GOLGA1: variants seen among roughly 807,000 people sequenced by gnomAD.
The protein encoded by GOLGA1 is golgin subfamily A member 1.
Under a neutral mutation model 119.7 loss-of-function variants are expected in GOLGA1, and 63 were observed. The observed-to-expected ratio is 0.53, with a 90% CI of 0.43 to 0.65. The LOEUF (loss-of-function observed/expected upper bound fraction) is 0.65. GOLGA1 is among the 30% of genes least tolerant of loss of function. The probability of loss-of-function intolerance (pLI) is 0.00; values close to 1 mark genes in which losing one functional copy is unlikely to be tolerated. For missense variants in GOLGA1, 798 were observed against 912.8 expected, an observed-to-expected ratio of 0.87 and a Z score of 1.62; for synonymous variants, 318 against 333.4, an observed-to-expected ratio of 0.95 and a Z score of 0.50.
At chr9:124,890,000 G>C (rs10986476) in intron 16 of GOLGA1, among the ~76,000 whole-genome samples, 3,158 of 152,264 alleles carry the variant, frequency 0.021, 120 homozygotes, top group East Asian at 0.15. Context: ...TCTGGGGTCA[G>C]ATGCAAAGTC....
intron 10 of GOLGA1, among the ~76,000 whole-genome samples, chr9:124,918,063 G>C (rs944400168): frequency 6.6e-6 from 1 of 152,072 alleles, no homozygotes; most frequent in Non-Finnish European, 1.5e-5. Flanking sequence ...TGTTGGTCAA[G>C]CTGGTCTCGA....
intron 15 of GOLGA1, among the ~76,000 whole-genome samples, chr9:124,894,629 G>A (rs560366199): frequency 1.3e-5 from 2 of 152,078 alleles, no homozygotes; most frequent in East Asian, 3.9e-4. Flanking sequence ...AGCTCAACAT[G>A]CCCAAAATGG....
chr9:124,935,187 T>C (rs1278834986), intron 3 of GOLGA1, among the ~76,000 whole-genome samples: 1 of 152,212 alleles, frequency 6.6e-6, no homozygotes, highest in Non-Finnish European at 1.5e-5. Context: ...AGAAGTGTTT[T>C]GGAGTTTGGA....
upstream of GOLGA1, chr9:124,943,335 A>G (rs541208108): frequency 6.6e-6 from 1 of 152,328 alleles, no homozygotes; most frequent in Admixed American, 6.5e-5. Context: ...ATTTTTTTCT[A>G]AAGTATTAAC....
intron 11 of GOLGA1, 108 bp downstream of exon 11, chr9:124,911,793 A>G (rs1830345649): frequency 2.1e-6 from 2 of 936,794 alleles, no homozygotes; most frequent in South Asian, 3.1e-5. Flanking sequence ...TTCTTTTGTT[A>G]CCATGCTGTT....
At chr9:124,933,473 T>C (rs1009987738) in intron 3 of GOLGA1, among the ~76,000 whole-genome samples, 7 of 152,108 alleles carry the variant, frequency 4.6e-5, no homozygotes, top group Non-Finnish European at 2.9e-5. Flanking sequence ...CAGGCTGGAG[T>C]GCAGTGGTAC....
intron 10 of GOLGA1, among the ~76,000 whole-genome samples, chr9:124,914,937 C>T (rs1359397802): frequency 6.6e-6 from 1 of 152,192 alleles, no homozygotes; most frequent in Non-Finnish European, 1.5e-5. Flanking sequence ...TCCACTTATG[C>T]CTCTTGTGCA....
rs1162925478 is a variant in GOLGA1 at position 124,926,752 on chromosome 9, A to G, written c.400-11T>C. Reference sequence around the variant, plus strand: ...CTTTTCTGACCATTCCTAAAACAAAACAATAAAAAAGTATGGTTTCCAGTG... The same window carrying G: ...CTTTTCTGACCATTCCTAAAACAAAGCAATAAAAAAGTATGGTTTCCAGTG... On this transcript the variant is annotated splice_polypyrimidine_tract_variant and intron_variant, in intron 6 of 22. Transcript: ENST00000373555. The G allele has an allele frequency of 1.1e-5, 16 of 1,521,482 alleles. No individual in the cohort carries two copies. Among genetic ancestry groups the G allele is most frequent in the African/African-American group, 1.4e-5 (1 of 71,784 alleles). 94.2% of individuals were successfully genotyped at this position (1,521,482 alleles called of 1,614,324 possible).
chr9:124,910,814 C>T (rs147497006), intron 11 of GOLGA1, among the ~76,000 whole-genome samples: 1 of 152,242 alleles, frequency 6.6e-6, no homozygotes, highest in Non-Finnish European at 1.5e-5. Flanking sequence ...ATCCAGGTTG[C>T]ACACTCCTTA....
intron 10 of GOLGA1, among the ~76,000 whole-genome samples, chr9:124,912,669 A>C (rs192888908): frequency 1.1e-4 from 16 of 152,192 alleles, no homozygotes; most frequent in African/African-American, 3.6e-4. Context: ...CAGCCTCCCG[A>C]GTAGCTGGGA....
chr9:124,925,528 C>A (rs1830657091), intron 7 of GOLGA1, among the ~76,000 whole-genome samples: 1 of 151,908 alleles, frequency 6.6e-6, no homozygotes, highest in African/African-American at 2.4e-5. Flanking sequence ...CCAGCCTGGG[C>A]AACACAGTGA....
chr9:124,938,287 T>C (rs1830919971), intron 3 of GOLGA1, among the ~76,000 whole-genome samples: 1 of 151,660 alleles, frequency 6.6e-6, no homozygotes, highest in South Asian at 2.1e-4. Context: ...TTTTCAGAAA[T>C]GAAATGCAAA....
At chr9:124,921,475 C>A (rs1380551711) in intron 9 of GOLGA1, among the ~76,000 whole-genome samples, 1 of 152,168 alleles carries the variant, frequency 6.6e-6, no homozygotes, top group Non-Finnish European at 1.5e-5. Flanking sequence ...TCTATTAATA[C>A]TTTACAAACT....
Position 124,881,002 on chromosome 9 carries a change from T to G in GOLGA1, c.2223+169A>C, listed in dbSNP as rs1446788585. ...CACAGACATTTGGGCACAAAGGATGTCATCGCTAAAAAGTGCTTGGATCAA... is the reference window on the plus strand; with the variant it reads ...CACAGACATTTGGGCACAAAGGATGGCATCGCTAAAAAGTGCTTGGATCAA... On this transcript the variant is annotated intron_variant, in intron 22 of 22. Coordinates refer to ENST00000373555, the MANE Select transcript of GOLGA1 (RefSeq NM_002077.4). The surrounding 1 kb of genome is among the most constrained non-coding windows in gnomAD (Gnocchi z 4.9). 6.6e-6 allele frequency among the ~76,000 whole-genome samples: 1 copy of G among 152,188 alleles called. No individual in the cohort carries two copies. The highest frequency in any genetic ancestry group is 1.9e-4 in the East Asian group (1 of 5,202).
intron 1 of GOLGA1, chr9:124,947,316 T>A (rs1831161312): frequency 6.6e-6 from 1 of 152,220 alleles, no homozygotes; most frequent in Non-Finnish European, 1.5e-5. Context: ...CAGTTTCACA[T>A]ACTTAGGTTT....
chr9:124,890,602 C>A, intron 15 of GOLGA1, 124 bp from the exon 16 acceptor site: 1 of 755,098 alleles, frequency 1.3e-6, no homozygotes, highest in Non-Finnish European at 2.3e-6. Context: ...TCCCCACTTC[C>A]CAGGCTCCCA....
intron 2 of GOLGA1, among the ~76,000 whole-genome samples, chr9:124,939,550 C>CTTTTTTTTTTTTTT (rs3051147): frequency 9.8e-5 from 8 of 81,844 alleles, no homozygotes; most frequent in East Asian, 3.0e-4. Context: ...TTCTTTCTTT[C>CTTTTTTTTTTTTTT]TTTTTTTTTT....
chr9:124,934,790 C>T (rs1830832789), intron 3 of GOLGA1, among the ~76,000 whole-genome samples: 1 of 152,146 alleles, frequency 6.6e-6, no homozygotes, highest in Non-Finnish European at 1.5e-5. Context: ...CTAGCACCTG[C>T]AGTCCCAGTA....
intron 15 of GOLGA1, among the ~76,000 whole-genome samples, chr9:124,895,728 CA>C (rs1398365030): frequency 6.6e-6 from 1 of 151,382 alleles, no homozygotes; most frequent in Non-Finnish European, 1.5e-5. Context: ...AACACAGAAC[CA>C]TCCACAACAG....
Sources: gnomAD v4.1 joint callset for allele counts (sites outside exome capture counted in the v4.1 genomes callset) on GRCh38, gnomAD v4.1.1 for gene constraint, Gnocchi (gnomAD v3.1) non-coding constraint, MANE v1.5 for transcripts, NCBI Gene and HGNC (gene_info 2026-07-23, HGNC 2026-07-21) for gene names.